The following ULK4 variants were observed in gnomAD, a reference collection of about 807,000 sequenced individuals.
ULK4 encodes inactive serine/threonine-protein kinase ULK4.
Under a neutral mutation model 160.6 loss-of-function variants are expected in ULK4, and 133 were observed. The ratio of observed to expected loss-of-function variants is 0.83; its 90% confidence interval spans 0.72 to 0.96. The LOEUF is 0.96. Among genes scored for constraint, ULK4 ranks in the 40% least tolerant of loss-of-function variants. The pLI, the probability that ULK4 is intolerant of heterozygous loss-of-function variation, is 0.00. For missense variants in ULK4, 1,580 were observed against 1,499.5 expected (o/e 1.05, Z -0.89); for synonymous variants, 534 against 539.8 (o/e 0.99, Z 0.15).
intron 31 of ULK4, among the ~76,000 whole-genome samples, chr3:41,609,097 A>G (rs553462214): frequency 1.3e-5 from 2 of 152,330 alleles, no homozygotes; most frequent in South Asian, 4.1e-4. Flanking sequence ...CACATTCTTA[A>G]TATGTAACCT....
intron 27 of ULK4, among the ~76,000 whole-genome samples, chr3:41,689,825 A>G (rs1434640816): frequency 2.0e-5 from 3 of 151,094 alleles, no homozygotes; most frequent in African/African-American, 7.4e-5. Flanking sequence ...AAATAGGAAC[A>G]CTTTTACACT....
Position 41,540,368 on chromosome 3 carries a change from C to T in ULK4, c.3226+25657G>A, listed in dbSNP as rs188249996. 3.3e-4 allele frequency among the ~76,000 whole-genome samples: 51 copies of T among 152,288 alleles called. 1 individual carries two copies. The highest frequency in any genetic ancestry group is 1.2e-3 in the Admixed American group (18 of 15,296). On this transcript the variant is annotated intron_variant, in intron 32 of 36. Coordinates refer to ENST00000301831, the MANE Select transcript of ULK4 (RefSeq NM_017886.4). ...CATGTCCCTCCAAAGGACATGAACTCATTCTTTTTTATGGCTGCATAGTAT... is the reference window on the plus strand; with the variant it reads ...CATGTCCCTCCAAAGGACATGAACTTATTCTTTTTTATGGCTGCATAGTAT...
intron 34 of ULK4, among the ~76,000 whole-genome samples, chr3:41,400,995 T>C (rs943541678): frequency 2.6e-5 from 4 of 152,214 alleles, no homozygotes; most frequent in Non-Finnish European, 5.9e-5. Context: ...GGTGTTTGAT[T>C]CTTTATTCTT....
intron 35 of ULK4, among the ~76,000 whole-genome samples, chr3:41,359,814 A>G (rs2081106187): frequency 6.6e-6 from 1 of 152,206 alleles, no homozygotes; most frequent in South Asian, 2.1e-4. Flanking sequence ...ACCCAAAACT[A>G]TAAAAACCCT....
intron 35 of ULK4, among the ~76,000 whole-genome samples, chr3:41,332,277 C>T (rs867240467): frequency 3.3e-5 from 5 of 151,878 alleles, no homozygotes; most frequent in African/African-American, 4.8e-5. Context: ...TCCAAAAGCA[C>T]CGATTATAAA....
At chr3:41,265,561 C>G (rs1212375716) in intron 35 of ULK4, among the ~76,000 whole-genome samples, 1 of 152,170 alleles carries the variant, frequency 6.6e-6, no homozygotes, top group African/African-American at 2.4e-5. Flanking sequence ...CCGTCAGGCA[C>G]CAATTAATCA....
At chr3:41,772,963 C>G (rs1048444779) in intron 21 of ULK4, among the ~76,000 whole-genome samples, 4 of 152,144 alleles carry the variant, frequency 2.6e-5, no homozygotes, top group African/African-American at 4.8e-5. Flanking sequence ...GAACCAAAGA[C>G]AAAAACCACA....
At chr3:41,824,533 C>G (rs1038421521) in intron 18 of ULK4, among the ~76,000 whole-genome samples, 1 of 152,180 alleles carries the variant, frequency 6.6e-6, no homozygotes, top group African/African-American at 2.4e-5. Context: ...ACGCCTGGCT[C>G]GGAGGGTCCT....
At chr3:41,542,007 T>C (rs549896345) in intron 32 of ULK4, among the ~76,000 whole-genome samples, 1 of 152,290 alleles carries the variant, frequency 6.6e-6, no homozygotes. Context: ...ATACCCTTTA[T>C]TTCTTTCTCT....
chr3:41,441,461 T>C (rs1402653866), intron 34 of ULK4, among the ~76,000 whole-genome samples: 4 of 152,086 alleles, frequency 2.6e-5, no homozygotes, highest in Admixed American at 6.6e-5. Context: ...CTTTTTTAAA[T>C]TGGCTTTTAA....
intron 18 of ULK4, among the ~76,000 whole-genome samples, chr3:41,832,175 T>C (rs1035977766): frequency 2.0e-5 from 3 of 152,210 alleles, no homozygotes; most frequent in South Asian, 2.1e-4. Flanking sequence ...AAAAGCATTC[T>C]TATTTCTCCA....
intron 5 of ULK4, among the ~76,000 whole-genome samples, chr3:41,930,170 C>T (rs550454080): frequency 1.1e-4 from 16 of 151,296 alleles, no homozygotes; most frequent in Non-Finnish European, 1.6e-4. Context: ...ACACAGACCT[C>T]GGAATAGAGA....
intron 17 of ULK4, among the ~76,000 whole-genome samples, chr3:41,852,641 T>C (rs980378414): frequency 9.2e-5 from 14 of 151,778 alleles, no homozygotes; most frequent in African/African-American, 1.7e-4. Flanking sequence ...AACAGAGAGA[T>C]AGAGAAAGAA....
At chr3:41,947,251 C>A (rs148262747) in intron 2 of ULK4, among the ~76,000 whole-genome samples, 1 of 152,118 alleles carries the variant, frequency 6.6e-6, no homozygotes, top group Non-Finnish European at 1.5e-5. Flanking sequence ...ACGGAGCTTG[C>A]GGTGAGCCGA....
At chr3:41,795,010 T>C (rs73828284) in intron 20 of ULK4, among the ~76,000 whole-genome samples, 8,837 of 152,248 alleles carry the variant, frequency 0.058, 842 homozygotes, top group African/African-American at 0.2. Context: ...TCATGCAAGA[T>C]ACTGAAGGTC....
chr3:41,370,694 C>A (rs1410243561), intron 35 of ULK4, among the ~76,000 whole-genome samples: 2 of 152,192 alleles, frequency 1.3e-5, no homozygotes, highest in Non-Finnish European at 2.9e-5. Context: ...GGTGCCTACA[C>A]CACAAAAGCC....
chr3:41,385,007 G>A lies in ULK4; in HGVS notation c.3678+13072C>T, dbSNP rs2081771085. Among the ~76,000 whole-genome samples, 5 of 152,074 alleles carry A rather than the reference G, an allele frequency of 3.3e-5. No individual in the cohort carries two copies. The South Asian group carries it at 1.0e-3, about 31-fold the overall frequency. On this transcript the variant is annotated intron_variant, in intron 35 of 36. Coordinates refer to ENST00000301831, the MANE Select transcript of ULK4 (RefSeq NM_017886.4). ...GAGGTCAAGGCTGCAGTCCCCATGAGGGCACCACTGCATTCCTGCCTGAAC... is the reference window on the plus strand; with the variant it reads ...GAGGTCAAGGCTGCAGTCCCCATGAAGGCACCACTGCATTCCTGCCTGAAC...
intron 2 of ULK4, among the ~76,000 whole-genome samples, chr3:41,940,470 A>AAT (rs1273196784): frequency 6.6e-6 from 1 of 152,132 alleles, no homozygotes; most frequent in African/African-American, 2.4e-5. Flanking sequence ...AAGCCTGGAC[A>AAT]ATATAGTAAG....
intron 30 of ULK4, among the ~76,000 whole-genome samples, chr3:41,642,125 A>C (rs1311828784): frequency 2.0e-5 from 3 of 152,002 alleles, no homozygotes; most frequent in Non-Finnish European, 1.5e-5. Flanking sequence ...CCGCCTGCCT[A>C]GGTCTCCCAA....
Sources: gnomAD v4.1 joint callset for allele counts (sites outside exome capture counted in the v4.1 genomes callset) on GRCh38, gnomAD v4.1.1 for gene constraint, MANE v1.5 for transcripts, NCBI Gene and HGNC (gene_info 2026-07-23, HGNC 2026-07-21) for gene names.